SNX3: variants seen among roughly 807,000 people sequenced by gnomAD.
The protein encoded by SNX3 is sorting nexin-3.
In SNX3, 5 loss-of-function variants were observed where a neutral mutation model predicts 17.7. That is an observed-to-expected ratio of 0.28 (90% CI 0.15 to 0.59). The LOEUF (loss-of-function observed/expected upper bound fraction) is 0.59. SNX3 is among the 20% of genes least tolerant of loss of function. SNX3 has a pLI of 0.88. For synonymous variants in SNX3, 91 were observed against 76.5 expected, an observed-to-expected ratio of 1.19 and a Z score of -0.99; for missense variants, 132 against 206.8, an observed-to-expected ratio of 0.64 and a Z score of 2.22.
chr6:108,250,680 C>T (rs964178421), intron 1 of SNX3, among the ~76,000 whole-genome samples: 1 of 152,162 alleles, frequency 6.6e-6, no homozygotes, highest in African/African-American at 2.4e-5. Context: ...TTTGAGACTC[C>T]TCTGTTTCTC....
At chr6:108,228,526 A>G (rs1247626604) in intron 1 of SNX3, among the ~76,000 whole-genome samples, 1 of 151,478 alleles carries the variant, frequency 6.6e-6, no homozygotes, top group East Asian at 1.9e-4. Context: ...AGCCTGGGCA[A>G]CAAGAGCGAA....
chr6:108,234,550 C>CA (rs544116506), intron 1 of SNX3, among the ~76,000 whole-genome samples: 7 of 151,726 alleles, frequency 4.6e-5, no homozygotes, highest in South Asian at 4.2e-4. Context: ...GGCTCTGTCT[C>CA]AAAAAAACAA....
At chr6:108,260,737 G>C in intron 1 of SNX3, 23 bp downstream of exon 1, 2 of 1,613,298 alleles carry the variant, frequency 1.2e-6, no homozygotes, top group Non-Finnish European at 1.7e-6. Context: ...GGGTTTCTTG[G>C]GAGAGGGGAG....
chr6:108,218,159 C>CT (rs1774646256), intron 2 of SNX3, among the ~76,000 whole-genome samples: 3 of 152,216 alleles, frequency 2.0e-5, no homozygotes, highest in South Asian at 4.1e-4. Context: ...ATAGGGAACT[C>CT]TAAGAGTCTT....
chr6:108,243,865 G>A (rs1315923193), intron 1 of SNX3, among the ~76,000 whole-genome samples: 1 of 152,198 alleles, frequency 6.6e-6, no homozygotes, highest in African/African-American at 2.4e-5. Context: ...CCTGGGAGGT[G>A]AAGGTTGCAG....
intron 1 of SNX3, among the ~76,000 whole-genome samples, chr6:108,234,527 G>A (rs1775266152): frequency 1.3e-5 from 2 of 152,028 alleles, no homozygotes; most frequent in Admixed American, 6.6e-5. Context: ...CTCTAGCCTG[G>A]GCAACAGAGT....
intron 1 of SNX3, among the ~76,000 whole-genome samples, chr6:108,230,998 A>C (rs988917613): frequency 3.3e-5 from 5 of 152,234 alleles, no homozygotes; most frequent in African/African-American, 1.2e-4. Context: ...TTATCAAAGA[A>C]GACAGGCAAA....
rs141557880 is a variant in SNX3 at position 108,228,193 on chromosome 6, A to G, written c.163-5148T>C. On this transcript the variant is annotated intron_variant, in intron 1 of 3. Transcript: ENST00000230085. ...TTTGGAAGGCTGAGGTGGGAGGATC[A>G]CAGGAGTTTGAGACCAGGCTGGGCA... is the stretch of plus-strand genomic sequence containing the variant. 2.0e-5 allele frequency among the ~76,000 whole-genome samples: 3 copies of G among 152,286 alleles called. No homozygotes were observed. In the East Asian group the frequency reaches 5.8e-4, roughly 29 times the overall value.
intron 1 of SNX3, among the ~76,000 whole-genome samples, chr6:108,242,367 T>C (rs748659880): frequency 3.9e-5 from 6 of 151,962 alleles, no homozygotes; most frequent in Non-Finnish European, 8.8e-5. Context: ...TCCCACCCAA[T>C]AAACATCACA....
chr6:108,250,067 C>A (rs528616564), intron 1 of SNX3, among the ~76,000 whole-genome samples: 41 of 152,192 alleles, frequency 2.7e-4, no homozygotes, highest in Non-Finnish European at 5.6e-4. Context: ...CACGCCACCA[C>A]AGCTGGCTAA....
intron 2 of SNX3, among the ~76,000 whole-genome samples, chr6:108,218,058 G>A (rs886478420): frequency 3.3e-5 from 5 of 152,136 alleles, no homozygotes; most frequent in Admixed American, 3.3e-4. Flanking sequence ...CTGGTCTAAT[G>A]TTAAATGTGA....
At chr6:108,233,792 T>G (rs995215367) in intron 1 of SNX3, among the ~76,000 whole-genome samples, 2 of 152,186 alleles carry the variant, frequency 1.3e-5, no homozygotes, top group African/African-American at 4.8e-5. Context: ...CTTGGGAATT[T>G]GTACAATCAC....
At chr6:108,237,465 T>C (rs1037582760) in intron 1 of SNX3, among the ~76,000 whole-genome samples, 2 of 152,194 alleles carry the variant, frequency 1.3e-5, no homozygotes, top group Middle Eastern at 3.4e-3. Flanking sequence ...AGAATGCTAA[T>C]AAGTGTACAA....
rs1466128148 is a variant in SNX3, at chr6:108,211,334, C to T, written c.*815G>A. The T allele has an allele frequency of 1.3e-5, 2 of 152,122 alleles. No individual in the cohort carries two copies. Among genetic ancestry groups the T allele is most frequent in the African/African-American group, 4.8e-5 (2 of 41,430 alleles). 9.4% of individuals were successfully genotyped at this position (152,122 alleles called of 1,614,324 possible). On this transcript the variant is annotated 3_prime_UTR_variant, in exon 4 of 4. Transcript: ENST00000230085. ...AAGCAATACATTTTTTAGTATATCA[C>T]TTTTGTTGTTGTTAAAAATACCCCA...
chr6:108,222,681 GAA>G (rs1774833673), intron 2 of SNX3, among the ~76,000 whole-genome samples: 1 of 152,168 alleles, frequency 6.6e-6, no homozygotes, highest in East Asian at 1.9e-4. Flanking sequence ...GACGATGAGG[GAA>G]AGGAAGGAAG....
intron 1 of SNX3, among the ~76,000 whole-genome samples, chr6:108,254,350 A>G (rs1021836278): frequency 6.6e-5 from 10 of 152,002 alleles, no homozygotes; most frequent in African/African-American, 2.4e-4. Flanking sequence ...TGTAGCCCCA[A>G]TTACTCAGGA....
chr6:108,259,164 T>C (rs1191124957), intron 1 of SNX3, among the ~76,000 whole-genome samples: 1 of 152,240 alleles, frequency 6.6e-6, no homozygotes, highest in Non-Finnish European at 1.5e-5. Context: ...TATGTATGAA[T>C]GTAGTTCCCC....
chr6:108,250,866 A>G lies in SNX3; in HGVS notation c.162+9894T>C, dbSNP rs77391908. Among the ~76,000 whole-genome samples, 583 of 152,334 alleles carry G rather than the reference A, an allele frequency of 3.8e-3. 3 individuals carry two copies. Among genetic ancestry groups the G allele is most frequent in the African/African-American group, 0.012 (487 of 41,588 alleles). On this transcript the variant is annotated intron_variant, in intron 1 of 3. Coordinates refer to ENST00000230085, the MANE Select transcript of SNX3 (RefSeq NM_003795.6). The stretch of plus-strand genomic sequence containing the variant: ...CAGAACAAATAATTATCAAATGACC[A>G]TTCCAATACTGCTGGACACAAAGTA...
At chr6:108,235,258 A>G (rs1441543208) in intron 1 of SNX3, among the ~76,000 whole-genome samples, 2 of 152,244 alleles carry the variant, frequency 1.3e-5, no homozygotes, top group African/African-American at 4.8e-5. Context: ...AACTCTCCCC[A>G]TGAAGGAGAA....
Sources: gnomAD v4.1 joint callset for allele counts (sites outside exome capture counted in the v4.1 genomes callset) on GRCh38, gnomAD v4.1.1 for gene constraint, MANE v1.5 for transcripts, NCBI Gene and HGNC (gene_info 2026-07-23, HGNC 2026-07-21) for gene names.